Variants in CHD1L observed in about 807,000 individuals in gnomAD.
The protein encoded by CHD1L is ATP-dependent chromatin remodeler CHD1L.
Under a neutral mutation model 115.9 loss-of-function variants are expected in CHD1L, and 118 were observed. That is an observed-to-expected ratio of 1.02 (90% CI 0.88 to 1.19). CHD1L has a LOEUF of 1.19. Among genes scored for constraint, CHD1L ranks in the 50% most tolerant of loss-of-function variants. The pLI, the probability that CHD1L is intolerant of heterozygous loss-of-function variation, is 0.00. For synonymous variants in CHD1L, 411 were observed against 387.1 expected, an observed-to-expected ratio of 1.06 and a Z score of -0.72; for missense variants, 1,179 against 1,065.3, an observed-to-expected ratio of 1.11 and a Z score of -1.49.
At chr1:147,201,088 A>G in the CHD1L span, 1 of 1,159,644 alleles carries the variant, frequency 8.6e-7, no homozygotes, top group Non-Finnish European at 1.2e-6. Context: ...TTTAAAAACA[A>G]GTACCTAAAC....
chr1:147,295,699 T>G lies in CHD1L; in HGVS notation c.*190T>G, dbSNP rs1250253630. 7.6e-6 allele frequency: 4 copies of G among 525,104 alleles called. No individual in the cohort carries two copies. Among genetic ancestry groups the G allele is most frequent in the Non-Finnish European group, 1.3e-5 (4 of 303,286 alleles). The allele number at this position is 525,104 out of a possible 1,614,324, so 32.5% of individuals were successfully genotyped here. On this transcript the variant is annotated 3_prime_UTR_variant, in exon 23 of 23. Transcript: ENST00000369258. ...ACCTGTAATATAGGGAAACACAACT[T>G]TTTTTGGGAAAGCCCTTTGACCCCA...
At chr1:147,213,243 C>G in the CHD1L span, 1 of 1,317,276 alleles carries the variant, frequency 7.6e-7, no homozygotes, top group Non-Finnish European at 1.0e-6. Flanking sequence ...CCACAATCCT[C>G]CCATTCCTCA....
chr1:147,201,482 A>G, the CHD1L span: 1 of 1,613,804 alleles, frequency 6.2e-7, no homozygotes, highest in Non-Finnish European at 8.5e-7. Context: ...TCATCATTTA[A>G]GGTTGGATGC....
intron 10 of CHD1L, 50 bp from the exon 11 acceptor site, chr1:147,270,882 C>T (rs781898405): frequency 8.5e-6 from 13 of 1,521,166 alleles, no homozygotes; most frequent in Non-Finnish European, 1.2e-5. Context: ...GGGAAATTGA[C>T]CTTAAATACC....
chr1:147,220,551 T>C, the CHD1L span, among the ~76,000 whole-genome samples: 1 of 152,242 alleles, frequency 6.6e-6, no homozygotes, highest in South Asian at 2.1e-4. Flanking sequence ...AGTATGGCAA[T>C]GGAGAAAAAA....
chr1:147,263,749 T>C (rs1553945880), intron 6 of CHD1L, among the ~76,000 whole-genome samples: 1 of 152,068 alleles, frequency 6.6e-6, no homozygotes, highest in African/African-American at 2.4e-5. Context: ...GTTCGAAATT[T>C]AAGGACTTTT....
chr1:147,276,869 G>A (rs587690501), intron 14 of CHD1L, among the ~76,000 whole-genome samples: 2 of 152,216 alleles, frequency 1.3e-5, no homozygotes, highest in East Asian at 1.9e-4. Flanking sequence ...CTTTGTTTTT[G>A]CCCTAAGGAT....
At chr1:147,190,317 T>G in the CHD1L span, 1 of 976,832 alleles carries the variant, frequency 1.0e-6, no homozygotes, top group Non-Finnish European at 1.6e-6. Flanking sequence ...TATAAACAAT[T>G]ACTATGCTAT....
chr1:147,280,007 T>C lies in CHD1L; in HGVS notation c.1540-19T>C. The C allele has an allele frequency of 6.2e-7, 1 of 1,613,320 alleles. No homozygotes were observed. The highest frequency in any genetic ancestry group is 8.5e-7 in the Non-Finnish European group (1 of 1,179,914). On this transcript the variant is annotated intron_variant, in intron 14 of 22. Coordinates refer to ENST00000369258, the MANE Select transcript of CHD1L (RefSeq NM_004284.6). ...TTTTCATGAGAATTTGCTGGACTTT[T>C]TTGTTTCCTCTATTCAAGTTGAGTG...
chr1:147,178,171 C>T, the CHD1L span: 2 of 1,610,652 alleles, frequency 1.2e-6, no homozygotes, highest in African/African-American at 1.3e-5. Context: ...CGCCGCGGCC[C>T]GCCTCGCGGC....
intron 1 of CHD1L, among the ~76,000 whole-genome samples, chr1:147,249,696 GC>G (rs1667801765): frequency 1.3e-5 from 2 of 152,098 alleles, no homozygotes; most frequent in South Asian, 4.1e-4. Context: ...GAGCCACCGC[GC>G]CCGGCAATGT....
At chr1:147,279,968 T>TA in intron 14 of CHD1L, 58 bp from the exon 15 acceptor site, 2 of 1,580,444 alleles carry the variant, frequency 1.3e-6, no homozygotes, top group South Asian at 2.2e-5. Context: ...CAATCACTGA[T>TA]ATCCTAATGT....
At chr1:147,272,374 T>C in intron 12 of CHD1L, 93 bp downstream of exon 12, 1 of 877,284 alleles carries the variant, frequency 1.1e-6, no homozygotes, top group Non-Finnish European at 1.9e-6. Flanking sequence ...TCCTTAATTC[T>C]CTGAAAGGTG....
intron 1 of CHD1L, among the ~76,000 whole-genome samples, chr1:147,249,458 C>T (rs112922479): frequency 0.019 from 2,316 of 122,652 alleles, 63 homozygotes; most frequent in African/African-American, 0.069. Flanking sequence ...CAGGCTGGAG[C>T]GCAGTGGCGC....
At chr1:147,188,988 G>A in the CHD1L span, among the ~76,000 whole-genome samples, 8 of 152,082 alleles carry the variant, frequency 5.3e-5, no homozygotes, top group Non-Finnish European at 8.8e-5. Context: ...TAAGAGAGCA[G>A]TTTCCGGCCA....
chr1:147,208,980 C>T, the CHD1L span: 1 of 1,614,068 alleles, frequency 6.2e-7, no homozygotes, highest in East Asian at 2.2e-5. Flanking sequence ...AAGAGAACAA[C>T]ACATCAGCAG....
the CHD1L span, among the ~76,000 whole-genome samples, chr1:147,194,758 C>T: frequency 2.0e-5 from 3 of 151,160 alleles, no homozygotes; most frequent in Non-Finnish European, 4.4e-5. Context: ...ATGTCTCCTT[C>T]ACTTATGAAG....
chr1:147,230,920 G>A, the CHD1L span, among the ~76,000 whole-genome samples: 1 of 151,502 alleles, frequency 6.6e-6, no homozygotes, highest in Non-Finnish European at 1.5e-5. Context: ...AGTCTTGCTA[G>A]CAGTCTATCA....
At chr1:147,229,441 G>A in the CHD1L span, among the ~76,000 whole-genome samples, 15 of 152,146 alleles carry the variant, frequency 9.9e-5, no homozygotes, top group African/African-American at 2.4e-4. Flanking sequence ...GTCAGGTAGC[G>A]TGATGCCTCC....
Sources: allele counts gnomAD v4.1 joint callset (sites outside exome capture counted in the v4.1 genomes callset), GRCh38; gene constraint gnomAD v4.1.1; transcripts MANE v1.5; gene names NCBI Gene and HGNC (gene_info 2026-07-23, HGNC 2026-07-21).